Variants in ASB9 observed in about 807,000 individuals in gnomAD.
ASB9 encodes the protein ankyrin repeat and SOCS box protein 9.
Under a neutral mutation model 16.6 loss-of-function variants are expected in ASB9, and 5 were observed. The observed-to-expected ratio is 0.30, with a 90% CI of 0.16 to 0.63. The LOEUF (loss-of-function observed/expected upper bound fraction) is 0.63, where lower values mean the gene tolerates loss of function less well. Among genes scored for constraint, ASB9 ranks in the 30% least tolerant of loss-of-function variants. The pLI, the probability that ASB9 is intolerant of heterozygous loss-of-function variation, is 0.82. For missense variants in ASB9, 216 were observed against 229.4 expected, an observed-to-expected ratio of 0.94 and a Z score of 0.38; for synonymous variants, 100 against 86.4, an observed-to-expected ratio of 1.16 and a Z score of -0.87.
intron 6 of ASB9, among the ~76,000 whole-genome samples, chrX:15,245,023 T>A (rs1341279731): frequency 8.9e-6 from 1 of 112,349 alleles, no homozygotes; most frequent in African/African-American, 3.2e-5. Context: ...CATTTTTATT[T>A]TATAACTTGA....
chrX:15,260,201 C>A (rs1925862964), intron 1 of ASB9, among the ~76,000 whole-genome samples: 1 of 111,961 alleles, frequency 8.9e-6, no homozygotes, highest in South Asian at 3.7e-4. Flanking sequence ...GAGTTCGAGA[C>A]CAGCCTTGCA....
At chrX:15,268,569 G>A (rs988760573) in intron 1 of ASB9, among the ~76,000 whole-genome samples, 1 of 104,344 alleles carries the variant, frequency 9.6e-6, no homozygotes, top group South Asian at 4.9e-4. Flanking sequence ...GGGATTACAG[G>A]CACGTGCCAT....
chrX:15,267,114 G>A (rs1477391494), intron 1 of ASB9, among the ~76,000 whole-genome samples: 2 of 113,164 alleles, frequency 1.8e-5, no homozygotes, highest in Admixed American at 9.3e-5. Context: ...TATATTTATC[G>A]GCCGGGCACA....
intron 1 of ASB9, among the ~76,000 whole-genome samples, chrX:15,262,941 A>C (rs1467346452): frequency 1.8e-5 from 2 of 112,064 alleles, no homozygotes; most frequent in African/African-American, 6.5e-5. Flanking sequence ...CTAGTTTAAC[A>C]TTTTTCTAAC....
At position 15,252,240 on chromosome X, in the gene ASB9, C is replaced by T. The variant is rs779480012; in HGVS notation, c.433+14G>A. 2.0e-5 allele frequency: 24 copies of T among 1,179,870 alleles called. No individual in the cohort carries two copies. Among genetic ancestry groups the T allele is most frequent in the Admixed American group, 5.0e-5 (2 of 40,042 alleles). Reference sequence around the variant, plus strand: ...GAAGGAGTGGGTAGAAAAAAAAATTCTCAACAGATTTACCTCTCCTAGCAG... The same window carrying T: ...GAAGGAGTGGGTAGAAAAAAAAATTTTCAACAGATTTACCTCTCCTAGCAG... On this transcript the variant is annotated intron_variant, in intron 4 of 6. Transcript: ENST00000380488.
intron 1 of ASB9, among the ~76,000 whole-genome samples, chrX:15,263,289 T>G (rs1275868847): frequency 9.0e-6 from 1 of 111,161 alleles, no homozygotes; most frequent in Non-Finnish European, 1.9e-5. Context: ...TTGCCTTCAG[T>G]CTTCAGGACA....
rs1258839126 is a variant in ASB9 at position 15,258,879 on chromosome X, T to C, written c.161A>G (p.Asn54Ser). ...AIHGHQLSLR[N>S]LISQGWAVNI... ...TCAAAAAGCTACCTGGCTGATGAGG[T>C]TCCTCAGAGACAGCTGATGTCCGTG... The change falls in exon 2 of 7, where the codon AAC becomes AGC. Residue 54 changes from asparagine (N) to serine (S), a missense_variant. Physicochemically the swap from Asn to Ser is conservative, Grantham distance 46. Transcript: ENST00000380488. 1 of 1,209,488 alleles carries C rather than the reference T, an allele frequency of 8.3e-7. No homozygotes were observed. Among genetic ancestry groups the C allele is most frequent in the Non-Finnish European group, 1.1e-6 (1 of 893,399 alleles).
At chrX:15,248,998 C>A (rs1023746592) in intron 5 of ASB9, 63 bp from the exon 6 acceptor site, 88 of 1,028,875 alleles carry the variant, frequency 8.6e-5, no homozygotes, top group Admixed American at 1.8e-4. Context: ...CGGGGCTTTT[C>A]AAAGCCCCGA....
At chrX:15,254,976 A>G in intron 2 of ASB9, 132 bp from the exon 3 acceptor site, 1 of 447,223 alleles carries the variant, frequency 2.2e-6, no homozygotes, top group Middle Eastern at 4.5e-4. Flanking sequence ...AGGTGTTTAT[A>G]TTGACTTTAA....
chrX:15,251,963 C>T (rs771896910), intron 4 of ASB9, among the ~76,000 whole-genome samples: 2 of 112,154 alleles, frequency 1.8e-5, no homozygotes, highest in East Asian at 5.6e-4. Flanking sequence ...GAAAAACATT[C>T]AAAATGCTCT....
At chrX:15,254,955 A>T (rs1371487151) in intron 2 of ASB9, 111 bp from the exon 3 acceptor site, 44 of 543,953 alleles carry the variant, frequency 8.1e-5, no homozygotes, top group Non-Finnish European at 1.3e-4. Context: ...TCAAAGTCAG[A>T]TGTTACACTA....
At chrX:15,266,949 A>AAAG (rs1926476458) in intron 1 of ASB9, among the ~76,000 whole-genome samples, 3 of 91,313 alleles carry the variant, frequency 3.3e-5, no homozygotes, top group South Asian at 4.6e-4. Flanking sequence ...AAAAAAAAAA[A>AAAG]AAAAGAAAAA....
chrX:15,247,809 A>G (rs921201189), intron 6 of ASB9, among the ~76,000 whole-genome samples: 19 of 112,218 alleles, frequency 1.7e-4, no homozygotes, highest in African/African-American at 4.2e-4. Context: ...AGCACTGCTC[A>G]GGAGCATAGG....
At chrX:15,266,434 C>T (rs970126509) in intron 1 of ASB9, among the ~76,000 whole-genome samples, 40 of 112,008 alleles carry the variant, frequency 3.6e-4, no homozygotes, top group Non-Finnish European at 6.8e-4. Flanking sequence ...TCTCAATTTC[C>T]TGCCTCATGA....
chrX:15,254,154 T>C (rs1925350960), intron 3 of ASB9, among the ~76,000 whole-genome samples: 1 of 112,212 alleles, frequency 8.9e-6, no homozygotes, highest in African/African-American at 3.2e-5. Flanking sequence ...TTGCTTATGT[T>C]CTGAACCCTC....
intron 5 of ASB9, among the ~76,000 whole-genome samples, chrX:15,249,574 G>A (rs1305486254): frequency 8.9e-6 from 1 of 112,605 alleles, no homozygotes; most frequent in Non-Finnish European, 1.9e-5. Context: ...CTTTCACTGT[G>A]ACATGTGGGA....
intron 1 of ASB9, among the ~76,000 whole-genome samples, chrX:15,260,242 G>A (rs377288729): frequency 1.3e-4 from 14 of 111,576 alleles, no homozygotes; most frequent in African/African-American, 4.6e-4. Flanking sequence ...TAGTAAAAAT[G>A]TAAAAATTAG....
chrX:15,255,084 C>G (rs1181942750), intron 2 of ASB9, among the ~76,000 whole-genome samples: 8 of 111,411 alleles, frequency 7.2e-5, no homozygotes, highest in Non-Finnish European at 1.5e-4. Context: ...AATGCATATG[C>G]CTATGACTCA....
At chrX:15,254,083 T>G (rs747385938) in intron 3 of ASB9, among the ~76,000 whole-genome samples, 1 of 111,898 alleles carries the variant, frequency 8.9e-6, no homozygotes, top group Non-Finnish European at 1.9e-5. Flanking sequence ...GGCAGTGCAC[T>G]CACCTCTGGC....
Sources: allele counts gnomAD v4.1 joint callset (sites outside exome capture counted in the v4.1 genomes callset), GRCh38; gene constraint gnomAD v4.1.1; transcripts MANE v1.5; gene names NCBI Gene and HGNC (gene_info 2026-07-23, HGNC 2026-07-21).